The following NDC1 variants were observed in gnomAD, a reference collection of about 807,000 sequenced individuals.
NDC1 encodes the protein NDC1 transmembrane nucleoporin, also known as nucleoporin NDC1.
In NDC1, 24 loss-of-function variants were observed where a neutral mutation model predicts 89.8. The observed-to-expected ratio is 0.27, with a 90% CI of 0.19 to 0.38. The LOEUF is 0.38. Ranked by LOEUF, NDC1 falls within the 10% of genes least tolerant of loss-of-function variation. NDC1 has a pLI of 1.00. For missense variants in NDC1, 728 were observed against 797.6 expected, an observed-to-expected ratio of 0.91 and a Z score of 1.05; for synonymous variants, 296 against 284.8, an observed-to-expected ratio of 1.04 and a Z score of -0.39.
intron 3 of NDC1, among the ~76,000 whole-genome samples, chr1:53,831,658 C>T (rs942714248): frequency 1.3e-5 from 2 of 150,238 alleles, no homozygotes; most frequent in South Asian, 2.1e-4. Flanking sequence ...GGCGACAGAG[C>T]GAGACTCTGT....
chr1:53,789,050 A>C lies in NDC1; in HGVS notation c.1699+83T>G, dbSNP rs559567972. On this transcript the variant is annotated intron_variant, in intron 15 of 17. Coordinates refer to ENST00000371429, the MANE Select transcript of NDC1 (RefSeq NM_018087.5). ...GTACATTCAAAGACTGAAATCAAGGACCAGAACTGACCTTTCATGAATTAT... is the reference window on the plus strand; with the variant it reads ...GTACATTCAAAGACTGAAATCAAGGCCCAGAACTGACCTTTCATGAATTAT... The C allele has an allele frequency of 7.6e-4, 670 of 885,560 alleles. 12 individuals are homozygous for C. Among genetic ancestry groups the C allele is most frequent in the South Asian group, 7.3e-3 (489 of 67,342 alleles). The allele number at this position is 885,560 out of a possible 1,614,324, so 54.9% of individuals were successfully genotyped here. A position where few individuals can be genotyped will look rare whatever the true frequency, so the allele number is the denominator to read the frequency against.
intron 11 of NDC1, among the ~76,000 whole-genome samples, chr1:53,798,295 G>A (rs916150226): frequency 4.7e-5 from 7 of 150,332 alleles, no homozygotes; most frequent in South Asian, 2.1e-4. Context: ...TCAGCCTCCC[G>A]AGTAGCTAGG....
At chr1:53,827,868 C>T (rs1232552269) in intron 4 of NDC1, 131 bp downstream of exon 4, 2 of 593,622 alleles carry the variant, frequency 3.4e-6, no homozygotes, top group Non-Finnish European at 5.4e-6. Context: ...ATTAAAAACA[C>T]TTGATATATG....
chr1:53,794,233 C>T (rs1190212185), intron 13 of NDC1, among the ~76,000 whole-genome samples: 1 of 152,172 alleles, frequency 6.6e-6, no homozygotes, highest in Non-Finnish European at 1.5e-5. Context: ...ACTGTGGCAT[C>T]CCAAAGTGCT....
In NDC1 at chr1:53,772,589, C is replaced by T. The variant is rs968434466; in HGVS notation, c.1801-100G>A. On this transcript the variant is annotated intron_variant, in intron 16 of 17. Transcript: ENST00000371429. ...GTGTAATCCCAACACTTTGGAAGGA[C>T]GAGGCGGGAGGACTGCTTGAGCCCA... 9.7e-6 allele frequency: 11 copies of T among 1,139,862 alleles called. No individual in the cohort carries two copies. The East Asian group carries it at 1.9e-4, about 20-fold the overall frequency. 70.6% of individuals were successfully genotyped at this position (1,139,862 alleles called of 1,614,324 possible).
intron 2 of NDC1, among the ~76,000 whole-genome samples, chr1:53,835,139 A>G (rs1649188363): frequency 6.6e-6 from 1 of 152,182 alleles, no homozygotes; most frequent in Non-Finnish European, 1.5e-5. Context: ...GGTACATGTC[A>G]TATTTTCTAC....
Position 53,767,233 on chromosome 1 carries a change from A to G in NDC1, c.*737T>C, listed in dbSNP as rs984346603. ...AAACTAGCTGGGAAAATACCCATAC[A>G]TTAATACTTCGTGTTTACTAGCATG... On this transcript the variant is annotated 3_prime_UTR_variant, in exon 18 of 18. Transcript: ENST00000371429. 1 of 152,218 alleles carries G rather than the reference A, an allele frequency of 6.6e-6. No homozygotes were observed. Among genetic ancestry groups the G allele is most frequent in the Non-Finnish European group, 1.5e-5 (1 of 68,020 alleles). The allele number at this position is 152,218 out of a possible 1,614,324, so 9.4% of individuals were successfully genotyped here.
Position 53,806,408 on chromosome 1 carries a change from CA to C in NDC1, c.984+16del. 1 of 1,466,992 alleles carries C rather than the reference CA, an allele frequency of 6.8e-7. No individual in the cohort carries two copies. The highest frequency in any genetic ancestry group is 9.1e-7 in the Non-Finnish European group (1 of 1,097,132). 90.9% of individuals were successfully genotyped at this position (1,466,992 alleles called of 1,614,324 possible). On this transcript the variant is annotated intron_variant, in intron 9 of 17. Coordinates refer to ENST00000371429, the MANE Select transcript of NDC1 (RefSeq NM_018087.5). Reference sequence around the variant, plus strand: ...TTAGAGAAAACTGTGTGAAGATATGCAACACAGTTTGGATACCTTTATGATG... The same window carrying C: ...TTAGAGAAAACTGTGTGAAGATATGCACACAGTTTGGATACCTTTATGATG...
chr1:53,800,089 C>T (rs1268589313), intron 11 of NDC1, among the ~76,000 whole-genome samples: 1 of 152,094 alleles, frequency 6.6e-6, no homozygotes, highest in African/African-American at 2.4e-5. Context: ...ATTTAATAGC[C>T]ATCATTTTGG....
chr1:53,829,057 A>C (rs1280202037), intron 3 of NDC1, among the ~76,000 whole-genome samples: 1 of 152,220 alleles, frequency 6.6e-6, no homozygotes, highest in Non-Finnish European at 1.5e-5. Context: ...TACCCTTCAG[A>C]CAATCCAAAA....
At chr1:53,807,837 C>A in intron 7 of NDC1, 46 bp from the exon 8 acceptor site, 1 of 1,552,904 alleles carries the variant, frequency 6.4e-7, no homozygotes. Context: ...AAAATGCAAT[C>A]TAAATATTAA....
chr1:53,778,056 G>T (rs907290879), intron 16 of NDC1, among the ~76,000 whole-genome samples: 3 of 152,004 alleles, frequency 2.0e-5, no homozygotes, highest in African/African-American at 7.2e-5. Context: ...ATCTTTTGGT[G>T]GCAAAAGCTG....
At chr1:53,824,036 G>C (rs933810813) in intron 5 of NDC1, among the ~76,000 whole-genome samples, 1 of 151,870 alleles carries the variant, frequency 6.6e-6, no homozygotes, top group Non-Finnish European at 1.5e-5. Context: ...CCAGGAGTCA[G>C]AACAGCTTGG....
intron 3 of NDC1, among the ~76,000 whole-genome samples, chr1:53,830,675 A>G (rs1462889183): frequency 2.0e-5 from 3 of 151,630 alleles, no homozygotes; most frequent in African/African-American, 7.3e-5. Flanking sequence ...TGCCTGACCA[A>G]CATGGAGAAA....
At chr1:53,793,394 A>G in intron 13 of NDC1, 115 bp from the exon 14 acceptor site, 1 of 803,474 alleles carries the variant, frequency 1.2e-6, no homozygotes, top group Non-Finnish European at 2.1e-6. Context: ...AACACTTCAC[A>G]TCTTGTGGGC....
At chr1:53,768,680 C>G (rs1647086839) in intron 17 of NDC1, among the ~76,000 whole-genome samples, 1 of 152,242 alleles carries the variant, frequency 6.6e-6, no homozygotes, top group East Asian at 1.9e-4. Context: ...ATGAAAAATT[C>G]CGGTTTTCTA....
In NDC1 at chr1:53,793,171, T is replaced by C. The variant is rs895841983; in HGVS notation, c.1635+58A>G. 6 of 1,378,694 alleles carry C rather than the reference T, an allele frequency of 4.4e-6. No homozygotes were observed. The African/African-American group carries it at 8.6e-5, about 20-fold the overall frequency. 85.4% of individuals were successfully genotyped at this position (1,378,694 alleles called of 1,614,324 possible). A position where few individuals can be genotyped will look rare whatever the true frequency, so the allele number is the denominator to read the frequency against. ...ACAAGTCAGATCCTATCTGCTACTT[T>C]ATTTCATATTTCATTTCCTCCCTCC... On this transcript the variant is annotated intron_variant, in intron 14 of 17. Transcript: ENST00000371429.
intron 16 of NDC1, among the ~76,000 whole-genome samples, chr1:53,778,193 C>T (rs1014394999): frequency 4.0e-5 from 6 of 149,574 alleles, no homozygotes; most frequent in Admixed American, 3.3e-4. Context: ...TTAATGTATC[C>T]GATTAAGGGG....
At chr1:53,796,630 G>T in intron 13 of NDC1, 59 bp downstream of exon 13, 3 of 981,362 alleles carry the variant, frequency 3.1e-6, no homozygotes, top group Non-Finnish European at 4.5e-6. Context: ...ACTCATGTGA[G>T]ATCCTTAATG....
Sources: gnomAD v4.1 joint callset for allele counts (sites outside exome capture counted in the v4.1 genomes callset) on GRCh38, gnomAD v4.1.1 for gene constraint, MANE v1.5 for transcripts, NCBI Gene and HGNC (gene_info 2026-07-23, HGNC 2026-07-21) for gene names.